SOBP: variants seen among roughly 807,000 people sequenced by gnomAD.
SOBP encodes sine oculis-binding protein homolog.
SOBP carries 4 observed loss-of-function variants against 53.6 expected under a neutral mutation model. The ratio of observed to expected loss-of-function variants is 0.07; its 90% CI spans 0.04 to 0.17. The LOEUF is 0.17. Among genes scored for constraint, SOBP ranks in the 10% least tolerant of loss-of-function variants. SOBP has a pLI of 1.00. For missense variants in SOBP, 1,088 were observed against 1,204.7 expected (o/e 0.90, Z 1.43); for synonymous variants, 584 against 522.6 (o/e 1.12, Z -1.60).
rs541688197 is a variant in SOBP, at chr6:107,635,075, AGCC to A, written c.2250_2252del (p.Pro751del). On this transcript the variant is annotated inframe_deletion, in exon 6 of 7. Coordinates refer to ENST00000317357, the MANE Select transcript of SOBP (RefSeq NM_018013.4). This position sits in a 1 kb window ranked among gnomAD's most constrained non-coding sequence, Gnocchi z 4.5. ...AAGAGCGCGGAGCCGCCTCCCGAGC[AGCC>A]GCCGCCGCCGCCGCCGCCCGCGCCC... is the stretch of plus-strand genomic sequence containing the variant. 10,057 of 1,547,688 alleles carry A rather than the reference AGCC, an allele frequency of 6.5e-3. 34 individuals are homozygous for A. Among genetic ancestry groups the A allele is most frequent in the Non-Finnish European group, 7.9e-3 (9,016 of 1,146,764 alleles).
At chr6:107,652,264 G>C (rs771103541) in intron 6 of SOBP, among the ~76,000 whole-genome samples, 1 of 152,194 alleles carries the variant, frequency 6.6e-6, no homozygotes, top group Non-Finnish European at 1.5e-5. Flanking sequence ...ATTCATAGGA[G>C]GAGGTCAAAA....
intron 6 of SOBP, among the ~76,000 whole-genome samples, chr6:107,637,069 AAACAACCCTC>A (rs1771078636): frequency 6.6e-6 from 1 of 152,158 alleles, no homozygotes; most frequent in African/African-American, 2.4e-5. Context: ...TCAGTGGGTA[AAACAACCCTC>A]AGTTGTCATA....
intron 1 of SOBP, among the ~76,000 whole-genome samples, chr6:107,491,319 C>T (rs2114928236): frequency 6.6e-6 from 1 of 152,348 alleles, no homozygotes; most frequent in African/African-American, 2.4e-5. Flanking sequence ...CCTCCGCCTC[C>T]CGCTCGCCTC....
At chr6:107,576,554 A>G (rs1332433595) in intron 4 of SOBP, among the ~76,000 whole-genome samples, 7 of 152,226 alleles carry the variant, frequency 4.6e-5, no homozygotes. Context: ...AAGGATAGTC[A>G]GCTCCAGCCA....
chr6:107,612,756 C>T (rs1786646559), intron 5 of SOBP, among the ~76,000 whole-genome samples: 1 of 152,200 alleles, frequency 6.6e-6, no homozygotes, highest in South Asian at 2.1e-4. Flanking sequence ...TCCTCACTCC[C>T]TCCAATCCCC....
intron 3 of SOBP, chr6:107,513,856 T>C (rs370302378): frequency 6.6e-6 from 1 of 152,606 alleles, no homozygotes; most frequent in African/African-American, 2.4e-5. Context: ...TGATATAATC[T>C]CATCATAGCT....
intron 3 of SOBP, chr6:107,529,717 C>T (rs1562592378): frequency 1.7e-6 from 1 of 600,816 alleles, no homozygotes; most frequent in Admixed American, 6.3e-5. Context: ...ATTTCTCAAA[C>T]AACTTCAGCA....
In SOBP at chr6:107,506,262, A is replaced by G; in HGVS notation, c.256A>G (p.Lys86Glu). The G allele has an allele frequency of 6.2e-7, 1 of 1,614,210 alleles. No homozygotes were observed. Residue 86 changes from lysine to glutamate, a missense_variant, in exon 3 of 7, where the codon AAA becomes GAA. Physicochemically the swap from Lys to Glu is moderately conservative, Grantham distance 56. This residue lies in a region of SOBP where 112 missense variants were observed against 117.9 expected (regional missense o/e 0.95). Transcript: ENST00000317357. ...TACAGAAAATTCTTTGCCAAAACCA[A>G]AATTACCCGAGGACAGTGTTATTTC... ...VLKENSLPKP[K>E]LPEDSVISPY... is the part of the protein sequence containing the mutation.
rs753235764 is a variant in SOBP at position 107,643,571 on chromosome 6, C to T, written c.*3+8102C>T. 1.6e-3 allele frequency among the ~76,000 whole-genome samples: 236 copies of T among 152,218 alleles called. 1 individual carries two copies. The highest frequency in any genetic ancestry group is 2.4e-3 in the Non-Finnish European group (164 of 68,024). ...AGCTGGGATTACAGGCGCGCACCAC[C>T]ATGTCCAGCTAATTTTTTTTTGTAT... is the stretch of plus-strand genomic sequence containing the variant. On this transcript the variant is annotated intron_variant, in intron 6 of 6. Transcript: ENST00000317357.
chr6:107,585,376 A>G (rs990625126), intron 4 of SOBP, among the ~76,000 whole-genome samples: 1 of 152,162 alleles, frequency 6.6e-6, no homozygotes, highest in Non-Finnish European at 1.5e-5. Flanking sequence ...TCATTTATCT[A>G]TGCCACTGCT....
At chr6:107,500,163 A>G (rs1015205547) in intron 1 of SOBP, among the ~76,000 whole-genome samples, 1 of 152,110 alleles carries the variant, frequency 6.6e-6, no homozygotes, top group African/African-American at 2.4e-5. Context: ...AGGCCGAAGC[A>G]GGTGGATCAC....
At chr6:107,600,916 C>T (rs1786155830) in intron 5 of SOBP, among the ~76,000 whole-genome samples, 1 of 152,086 alleles carries the variant, frequency 6.6e-6, no homozygotes. Flanking sequence ...CTCATTTTTA[C>T]AAGATCATTA....
At chr6:107,559,517 A>G (rs1173474443) in intron 4 of SOBP, among the ~76,000 whole-genome samples, 2 of 152,276 alleles carry the variant, frequency 1.3e-5, no homozygotes, top group Non-Finnish European at 2.9e-5. Context: ...AAGAGGAGAT[A>G]TTGAGAATTA....
intron 4 of SOBP, among the ~76,000 whole-genome samples, chr6:107,566,150 C>T (rs1016400710): frequency 6.6e-6 from 1 of 152,236 alleles, no homozygotes; most frequent in African/African-American, 2.4e-5. Context: ...ATAGCATTGT[C>T]TAATCCGTAC....
chr6:107,650,155 T>G (rs113204421), intron 6 of SOBP, among the ~76,000 whole-genome samples: 47 of 152,332 alleles, frequency 3.1e-4, no homozygotes, highest in African/African-American at 1.1e-3. Flanking sequence ...GGTTAATTTT[T>G]ATTGTTATTT....
chr6:107,573,339 C>G (rs899669421), intron 4 of SOBP, among the ~76,000 whole-genome samples: 1 of 151,416 alleles, frequency 6.6e-6, no homozygotes, highest in African/African-American at 2.4e-5. Flanking sequence ...TCCCTATTGC[C>G]TTCTTGCCAG....
At chr6:107,563,347 A>G (rs1415697914) in intron 4 of SOBP, among the ~76,000 whole-genome samples, 1 of 152,228 alleles carries the variant, frequency 6.6e-6, no homozygotes, top group African/African-American at 2.4e-5. Flanking sequence ...TTTGAGAAAA[A>G]CATTTGTACC....
intron 5 of SOBP, among the ~76,000 whole-genome samples, chr6:107,625,786 G>A (rs1456293333): frequency 1.3e-5 from 2 of 152,182 alleles, no homozygotes; most frequent in African/African-American, 2.4e-5. Flanking sequence ...CTGCTTAGTT[G>A]TGTTGTGGAA....
Position 107,529,552 on chromosome 6 carries a change from TAC to T in SOBP, c.422-3905_422-3904del, listed in dbSNP as rs1783760505. The T allele has an allele frequency of 6.1e-6, 6 of 985,442 alleles. No homozygotes were observed. The African/African-American group carries it at 8.7e-5, about 14-fold the overall frequency. The allele number at this position is 985,442 out of a possible 1,614,324, so 61.0% of individuals were successfully genotyped here. ...GAAAGTTACAAAGGGGTGGTAAATC[TAC>T]AGTTTAATTGCCTGGAGTCCATTAA... On this transcript the variant is annotated intron_variant, in intron 3 of 6. Coordinates refer to ENST00000317357, the MANE Select transcript of SOBP (RefSeq NM_018013.4).
Sources: allele counts gnomAD v4.1 joint callset (sites outside exome capture counted in the v4.1 genomes callset), GRCh38; gene constraint gnomAD v4.1.1; regional missense constraint gnomAD v4.1.1; non-coding constraint Gnocchi (gnomAD v3.1); transcripts MANE v1.5; gene names NCBI Gene and HGNC (gene_info 2026-07-23, HGNC 2026-07-21).